Variants in GPM6A observed in about 807,000 individuals in gnomAD.
GPM6A encodes neuronal membrane glycoprotein M6-a.
A neutral mutation model predicts 32.1 loss-of-function variants in GPM6A; 7 were observed. The ratio of observed to expected loss-of-function variants is 0.22; its 90% CI spans 0.12 to 0.41. The LOEUF is 0.41. Ranked by LOEUF, GPM6A falls within the 10% of genes least tolerant of loss-of-function variation. The pLI, the probability that GPM6A is intolerant of heterozygous loss-of-function variation, is 1.00. For synonymous variants in GPM6A, 130 were observed against 123.4 expected (o/e 1.05, Z -0.35); for missense variants, 235 against 347.2 (o/e 0.68, Z 2.57).
At chr4:175,654,676 A>C (rs191954444) in intron 3 of GPM6A, among the ~76,000 whole-genome samples, 4 of 152,314 alleles carry the variant, frequency 2.6e-5, no homozygotes, top group Admixed American at 6.5e-5. Flanking sequence ...GAAAGCCTCC[A>C]GAAATTCTTG....
intron 2 of GPM6A, among the ~76,000 whole-genome samples, chr4:175,691,573 A>C (rs1344245858): frequency 6.6e-6 from 1 of 152,208 alleles, no homozygotes; most frequent in Non-Finnish European, 1.5e-5. Context: ...TGAATATTTT[A>C]AACTATTATA....
intron 1 of GPM6A, among the ~76,000 whole-genome samples, chr4:175,900,497 CA>C (rs57140730): frequency 0.034 from 4,949 of 144,180 alleles, 277 homozygotes; most frequent in African/African-American, 0.12. Flanking sequence ...ATACAAATGG[CA>C]AAAAAAAAAG....
intron 1 of GPM6A, among the ~76,000 whole-genome samples, chr4:175,965,021 T>C (rs1011051151): frequency 5.9e-5 from 9 of 152,288 alleles, no homozygotes; most frequent in Admixed American, 1.3e-4. Flanking sequence ...TTGAAAGTTA[T>C]AGAGCAGGCA....
upstream of GPM6A, among the ~76,000 whole-genome samples, chr4:175,814,241 C>T (rs1267389316): frequency 6.6e-6 from 1 of 152,080 alleles, no homozygotes; most frequent in Non-Finnish European, 1.5e-5. Flanking sequence ...ATACATTAAC[C>T]CGTTGTAAGT....
chr4:175,944,831 T>G (rs1290517873), intron 1 of GPM6A, among the ~76,000 whole-genome samples: 3 of 151,982 alleles, frequency 2.0e-5, no homozygotes, highest in African/African-American at 7.2e-5. Context: ...GCAACACTAT[T>G]CCTAATAATG....
intron 1 of GPM6A, among the ~76,000 whole-genome samples, chr4:175,777,055 A>T (rs752521249): frequency 1.3e-5 from 2 of 152,236 alleles, no homozygotes; most frequent in Non-Finnish European, 2.9e-5. Flanking sequence ...TTAATTTTAG[A>T]CCATTGAAAT....
At chr4:175,742,840 G>T in intron 1 of GPM6A, among the ~76,000 whole-genome samples, 2 of 152,100 alleles carry the variant, frequency 1.3e-5, no homozygotes, top group Middle Eastern at 6.8e-3. Context: ...TCAAAGACAT[G>T]ATCTCCTTAA....
intron 1 of GPM6A, among the ~76,000 whole-genome samples, chr4:175,963,098 A>C (rs770284159): frequency 6.6e-6 from 1 of 152,156 alleles, no homozygotes; most frequent in Non-Finnish European, 1.5e-5. Flanking sequence ...AAAAAAAGTC[A>C]ATGGAAACAT....
chr4:175,770,006 G>T lies in GPM6A; in HGVS notation c.37+42185C>A, dbSNP rs566295510. 3.9e-5 allele frequency among the ~76,000 whole-genome samples: 6 copies of T among 152,154 alleles called. No individual in the cohort carries two copies. The East Asian group carries it at 7.7e-4, about 20-fold the overall frequency. On this transcript the variant is annotated intron_variant, in intron 1 of 6. Transcript: ENST00000393658. ...CCTATTATAATGACTTTTAGTTACAGTATTGTATAAGAGATACCCAGTTTT... is the reference window on the plus strand; with the variant it reads ...CCTATTATAATGACTTTTAGTTACATTATTGTATAAGAGATACCCAGTTTT...
intron 1 of GPM6A, chr4:176,002,187 CG>C (rs1189749525): frequency 1.8e-6 from 2 of 1,111,866 alleles, no homozygotes; most frequent in Non-Finnish European, 2.7e-6. Flanking sequence ...ACGCCAGGCG[CG>C]GGGGGAACAG....
intron 4 of GPM6A, among the ~76,000 whole-genome samples, chr4:175,646,373 T>A (rs895621604): frequency 2.0e-5 from 3 of 152,206 alleles, no homozygotes; most frequent in Admixed American, 1.3e-4. Flanking sequence ...AAACATAAAG[T>A]GTCCTTTTGA....
Position 175,744,056 on chromosome 4 carries a change from C to A in GPM6A, c.38-42289G>T, listed in dbSNP as rs185960986. 7.9e-5 allele frequency among the ~76,000 whole-genome samples: 12 copies of A among 151,742 alleles called. No homozygotes were observed. In the East Asian group the frequency reaches 2.3e-3, roughly 29 times the overall value. On this transcript the variant is annotated intron_variant, in intron 1 of 6. Transcript: ENST00000393658. ...TGACATTCATTTAAAACTGCAACCA[C>A]AAGTTGCAGAATATACATTCTTATC... is the stretch of plus-strand genomic sequence containing the variant.
At chr4:175,879,729 C>T (rs1197030438) in intron 1 of GPM6A, among the ~76,000 whole-genome samples, 1 of 152,042 alleles carries the variant, frequency 6.6e-6, no homozygotes. Flanking sequence ...GGCAAAATGG[C>T]CTTCTTCCCT....
chr4:175,989,624 G>C (rs1741077615), intron 1 of GPM6A, among the ~76,000 whole-genome samples: 1 of 152,080 alleles, frequency 6.6e-6, no homozygotes, highest in Non-Finnish European at 1.5e-5. Flanking sequence ...TTTTCTGATA[G>C]CTAAAGTTTC....
chr4:175,918,508 C>CA (rs72034279), intron 1 of GPM6A, among the ~76,000 whole-genome samples: 21,931 of 149,522 alleles, frequency 0.15, 1,862 homozygotes, highest in South Asian at 0.25. Flanking sequence ...TCCTTAACAA[C>CA]AAAAAAAAAA....
intron 3 of GPM6A, among the ~76,000 whole-genome samples, chr4:175,664,046 G>A (rs2110954930): frequency 6.6e-6 from 1 of 152,198 alleles, no homozygotes; most frequent in Middle Eastern, 3.4e-3. Context: ...ATGAAATGAT[G>A]CGGAGGAACC....
intron 1 of GPM6A, among the ~76,000 whole-genome samples, chr4:175,951,209 T>C (rs1235589472): frequency 6.6e-6 from 1 of 152,228 alleles, no homozygotes; most frequent in East Asian, 1.9e-4. Context: ...AAGATGCTTA[T>C]CTGCCCAACT....
At chr4:175,809,415 T>C (rs1734826275) in intron 1 of GPM6A, among the ~76,000 whole-genome samples, 1 of 152,018 alleles carries the variant, frequency 6.6e-6, no homozygotes, top group Admixed American at 6.6e-5. Context: ...AATATCATTG[T>C]TTTGGCTGCA....
chr4:175,695,890 A>T (rs1370567348), intron 2 of GPM6A, among the ~76,000 whole-genome samples: 1 of 152,064 alleles, frequency 6.6e-6, no homozygotes, highest in Non-Finnish European at 1.5e-5. Context: ...GTGGGAAGTG[A>T]TTGGATCATA....
Sources: allele counts gnomAD v4.1 joint callset (sites outside exome capture counted in the v4.1 genomes callset), GRCh38; gene constraint gnomAD v4.1.1; transcripts MANE v1.5; gene names NCBI Gene and HGNC (gene_info 2026-07-23, HGNC 2026-07-21).